Variants in AKR1D1 observed in about 807,000 individuals in gnomAD.
The protein encoded by AKR1D1 is aldo-keto reductase family 1 member D1.
In AKR1D1, 32 loss-of-function variants were observed where a neutral mutation model predicts 42.6. That is an observed-to-expected ratio of 0.75 (90% CI 0.57 to 1.01). AKR1D1 has a LOEUF of 1.01. Among genes scored for constraint, AKR1D1 ranks in the 50% least tolerant of loss-of-function variants. The pLI, the probability that AKR1D1 is intolerant of heterozygous loss-of-function variation, is 0.00. For missense variants in AKR1D1, 364 were observed against 402.2 expected (o/e 0.91, Z 0.81); for synonymous variants, 123 against 135.5 (o/e 0.91, Z 0.64).
At chr7:138,085,654 C>A (rs1803159533) in intron 1 of AKR1D1, among the ~76,000 whole-genome samples, 1 of 151,970 alleles carries the variant, frequency 6.6e-6, no homozygotes, top group South Asian at 2.1e-4. Flanking sequence ...CCATGTTGGC[C>A]AGGCTGGTCT....
rs574862046 is a variant in AKR1D1, at chr7:138,099,168, G to A, written c.456+1225G>A. Among the ~76,000 whole-genome samples the A allele has an allele frequency of 7.2e-5, 11 of 152,264 alleles. No individual in the cohort carries two copies. The South Asian group carries it at 2.3e-3, about 32-fold the overall frequency. ...GGAATGATTTATTTCCCAGTGCCCG[G>A]GGCTCTGTCCAAAAGAACACGCAGT... On this transcript the variant is annotated intron_variant, in intron 4 of 8. Coordinates refer to ENST00000242375, the MANE Select transcript of AKR1D1 (RefSeq NM_005989.4).
intron 8 of AKR1D1, among the ~76,000 whole-genome samples, chr7:138,116,079 G>A (rs1321438957): frequency 6.6e-6 from 1 of 152,102 alleles, no homozygotes; most frequent in African/African-American, 2.4e-5. Context: ...TTGGGAGGCT[G>A]AGGCAGGAGG....
At chr7:138,115,802 ATTG>A (rs1253723589) in intron 8 of AKR1D1, among the ~76,000 whole-genome samples, 1 of 152,210 alleles carries the variant, frequency 6.6e-6, no homozygotes, top group Non-Finnish European at 1.5e-5. Flanking sequence ...CCATTTCATC[ATTG>A]TTATTTAAGA....
chr7:138,109,579 G>A (rs922790660), intron 7 of AKR1D1, among the ~76,000 whole-genome samples: 5 of 152,136 alleles, frequency 3.3e-5, no homozygotes, highest in African/African-American at 1.2e-4. Context: ...CCCTATTCCT[G>A]TGCTGAAGAA....
chr7:138,112,656 G>C (rs541253125), intron 7 of AKR1D1, among the ~76,000 whole-genome samples: 18 of 152,078 alleles, frequency 1.2e-4, no homozygotes, highest in African/African-American at 4.3e-4. Context: ...ATGGGTCTAT[G>C]TACTTCTACA....
Position 138,088,817 on chromosome 7 carries a change from T to G in AKR1D1, c.261+49T>G, listed in dbSNP as rs2166188. ...ACTGGGGACAGTGAGAAGGTTTCAG[T>G]TGTTCATTTTATTATTCATCTTCCG... On this transcript the variant is annotated intron_variant, in intron 2 of 8. Transcript: ENST00000242375. 1,148,647 of 1,546,384 alleles carry G rather than the reference T, an allele frequency of 0.74. 428,300 individuals carry two copies. The highest frequency in any genetic ancestry group is 0.88 in the African/African-American group (64,509 of 73,156).
intron 7 of AKR1D1, among the ~76,000 whole-genome samples, chr7:138,112,037 G>C (rs1794546350): frequency 6.6e-6 from 1 of 151,678 alleles, no homozygotes; most frequent in Admixed American, 6.6e-5. Context: ...ATTTTTAACT[G>C]TGCAGGATTC....
chr7:138,096,631 G>A lies in AKR1D1; in HGVS notation c.379-1235G>A, dbSNP rs548234749. Among the ~76,000 whole-genome samples, 5 of 152,278 alleles carry A rather than the reference G, an allele frequency of 3.3e-5. No homozygotes were observed. The South Asian group carries it at 1.0e-3, about 32-fold the overall frequency. ...CAAAGTCAACAAAGACTTTCATCCT[G>A]CCAAATTCAATAGACATTTTGTCTT... On this transcript the variant is annotated intron_variant, in intron 3 of 8. Coordinates refer to ENST00000242375, the MANE Select transcript of AKR1D1 (RefSeq NM_005989.4).
chr7:138,096,959 C>A (rs918738618), intron 3 of AKR1D1, among the ~76,000 whole-genome samples: 23 of 152,152 alleles, frequency 1.5e-4, no homozygotes, highest in Admixed American at 1.4e-3. Flanking sequence ...TGTTCAACTG[C>A]CTCCCTCAAT....
intron 3 of AKR1D1, among the ~76,000 whole-genome samples, chr7:138,094,515 G>A (rs772527382): frequency 4.0e-5 from 6 of 150,976 alleles, no homozygotes; most frequent in African/African-American, 9.7e-5. Flanking sequence ...ACCCTGTCTT[G>A]GAAAAAAAAA....
At position 138,116,659 on chromosome 7, in the gene AKR1D1, C is replaced by T; in HGVS notation, c.978C>T (p.Tyr326=). The change falls in exon 9 of 9, where the codon TAC becomes TAT. Residue 326 remains tyrosine (Y), a synonymous_variant. Coordinates refer to ENST00000242375, the MANE Select transcript of AKR1D1 (RefSeq NM_005989.4). ...CTGAATACCCATTTCATGATGAATACTGACTGCAGGGAGTTCCTGAACAGA... is the reference window on the plus strand; with the variant it reads ...CTGAATACCCATTTCATGATGAATATTGACTGCAGGGAGTTCCTGAACAGA... ...DHPEYPFHDE[Y] The T allele has an allele frequency of 2.5e-6, 4 of 1,614,116 alleles. No individual in the cohort carries two copies. The highest frequency in any genetic ancestry group is 3.4e-6 in the Non-Finnish European group (4 of 1,180,008).
At chr7:138,093,291 T>C (rs1176410793) in intron 3 of AKR1D1, among the ~76,000 whole-genome samples, 1 of 152,052 alleles carries the variant, frequency 6.6e-6, no homozygotes, top group African/African-American at 2.4e-5. Flanking sequence ...ATGGTCTCGA[T>C]CTCCTGACCT....
intron 1 of AKR1D1, among the ~76,000 whole-genome samples, chr7:138,077,856 C>T (rs1444263084): frequency 6.6e-6 from 1 of 152,164 alleles, no homozygotes; most frequent in Non-Finnish European, 1.5e-5. Flanking sequence ...GAATGCCAAG[C>T]CCATAGTGCC....
Position 138,116,764 on chromosome 7 carries a change from C to A in AKR1D1, c.*102C>A, listed in dbSNP as rs1298100020. 29 of 1,065,562 alleles carry A rather than the reference C, an allele frequency of 2.7e-5. No individual in the cohort carries two copies. The East Asian group carries it at 6.7e-4, about 24-fold the overall frequency. 66.0% of individuals were successfully genotyped at this position (1,065,562 alleles called of 1,614,324 possible). ...AAATGAAGAGAGAGGGTTTTACCAT[C>A]CTGAGAAGAAATAATGATGGAAACA... On this transcript the variant is annotated 3_prime_UTR_variant, in exon 9 of 9. Coordinates refer to ENST00000242375, the MANE Select transcript of AKR1D1 (RefSeq NM_005989.4).
chr7:138,107,144 T>C, intron 6 of AKR1D1: 1 of 617,272 alleles, frequency 1.6e-6, no homozygotes, highest in Non-Finnish European at 3.0e-6. Flanking sequence ...TACCTTTCCC[T>C]GTATGCCAGC....
At chr7:138,112,471 GA>G (rs1794553987) in intron 7 of AKR1D1, among the ~76,000 whole-genome samples, 1 of 152,130 alleles carries the variant, frequency 6.6e-6, no homozygotes, top group South Asian at 2.1e-4. Flanking sequence ...TATTGTGATA[GA>G]ACTATCACTG....
At chr7:138,094,657 A>C (rs1291308835) in intron 3 of AKR1D1, among the ~76,000 whole-genome samples, 1 of 152,178 alleles carries the variant, frequency 6.6e-6, no homozygotes, top group Non-Finnish European at 1.5e-5. Context: ...CTGAGACTAC[A>C]GGTGTGTGCC....
In AKR1D1 at chr7:138,106,721, A is replaced by T; in HGVS notation, c.689+4A>T. 1 of 1,589,562 alleles carries T rather than the reference A, an allele frequency of 6.3e-7. No homozygotes were observed. Among genetic ancestry groups the T allele is most frequent in the African/African-American group, 1.3e-5 (1 of 74,524 alleles). On this transcript the variant is annotated splice_donor_region_variant and intron_variant, in intron 6 of 8. Transcript: ENST00000242375. ...GGACCAGTAGGAATCCAATCTGGTA[A>T]GTAAAACTTTAGGAAGCATTTCCTT...
At chr7:138,097,800 T>G (rs1794212295) in intron 3 of AKR1D1, 66 bp from the exon 4 acceptor site, 2 of 1,257,244 alleles carry the variant, frequency 1.6e-6, no homozygotes, top group Non-Finnish European at 2.3e-6. Context: ...GAAGTCTAAA[T>G]TCTATTATTT....
Sources: allele counts gnomAD v4.1 joint callset (sites outside exome capture counted in the v4.1 genomes callset), GRCh38; gene constraint gnomAD v4.1.1; transcripts MANE v1.5; gene names NCBI Gene and HGNC (gene_info 2026-07-23, HGNC 2026-07-21).